GNG7: variants seen among roughly 807,000 people sequenced by gnomAD.
GNG7 encodes the protein guanine nucleotide-binding protein G(I)/G(S)/G(O) subunit gamma-7.
In GNG7, 1 loss-of-function variant was observed where a neutral mutation model predicts 4.0. That is an observed-to-expected ratio of 0.25 (90% CI 0.09 to 1.18). The LOEUF is 1.18. Among genes scored for constraint, GNG7 ranks in the 50% most tolerant of loss-of-function variants. GNG7 has a pLI of 0.50. For missense variants in GNG7, 86 were observed against 91.9 expected (o/e 0.94, Z 0.26); for synonymous variants, 34 against 36.9 (o/e 0.92, Z 0.29).
chr19:2,672,817 G>T (rs561329661), intron 1 of GNG7, among the ~76,000 whole-genome samples: 1 of 152,310 alleles, frequency 6.6e-6, no homozygotes, highest in South Asian at 2.1e-4. Flanking sequence ...TTGGCCAGGT[G>T]ACCAATGTCA....
Position 2,599,039 on chromosome 19 carries a change from C to A in GNG7, c.-77-43851G>T, listed in dbSNP as rs542601258. ...TGATGAAGAGGGGGAGAGGCGGGCACGAGGCGAAGCGGGTGCCCCGCGCTC... is the reference window on the plus strand; with the variant it reads ...TGATGAAGAGGGGGAGAGGCGGGCAAGAGGCGAAGCGGGTGCCCCGCGCTC... On this transcript the variant is annotated intron_variant, in intron 2 of 4. Transcript: ENST00000382159. Among the ~76,000 whole-genome samples the A allele has an allele frequency of 8.6e-4, 131 of 152,266 alleles. 1 individual carries two copies. The highest frequency in any genetic ancestry group is 3.0e-3 in the African/African-American group (126 of 41,560).
At chr19:2,603,213 C>T (rs1568259509) in intron 2 of GNG7, among the ~76,000 whole-genome samples, 1 of 152,020 alleles carries the variant, frequency 6.6e-6, no homozygotes, top group South Asian at 2.1e-4. Context: ...ATTACAGGTG[C>T]GCACCACCAT....
chr19:2,698,814 C>T (rs962993355), intron 1 of GNG7, among the ~76,000 whole-genome samples: 2 of 152,144 alleles, frequency 1.3e-5, no homozygotes, highest in Admixed American at 1.3e-4. Flanking sequence ...TCAGTAAACA[C>T]GAAGCTGAAT....
intron 2 of GNG7, among the ~76,000 whole-genome samples, chr19:2,586,515 C>G (rs1980677589): frequency 6.6e-6 from 1 of 152,094 alleles, no homozygotes; most frequent in Non-Finnish European, 1.5e-5. Flanking sequence ...TCAGCTGAGG[C>G]TGAAAGGGAA....
intron 2 of GNG7, among the ~76,000 whole-genome samples, chr19:2,575,505 A>ACAGACATGCAGACACACGCAGGCACACG: frequency 7.0e-6 from 1 of 143,380 alleles, no homozygotes; most frequent in Non-Finnish European, 1.5e-5. Context: ...GCAGGCACAC[A>ACAGACATGCAGACACACGCAGGCACACG]CAGACATGCA....
rs145219988 is a variant in GNG7, at chr19:2,615,015, C to G, written c.-78+31209G>C. On this transcript the variant is annotated intron_variant, in intron 2 of 4. Transcript: ENST00000382159. ...CCATTGGCAGAGCCAGAACTTGCAG[C>G]TGTGATTTGTGCCGCGGCTCCTGCC... Among the ~76,000 whole-genome samples, 30 of 152,332 alleles carry G rather than the reference C, an allele frequency of 2.0e-4. No homozygotes were observed. In the East Asian group the frequency reaches 5.2e-3, roughly 26 times the overall value.
intron 1 of GNG7, among the ~76,000 whole-genome samples, chr19:2,659,699 A>C (rs993790489): frequency 4.5e-5 from 6 of 134,724 alleles, no homozygotes; most frequent in Admixed American, 1.6e-4. Context: ...AAACAGAGTG[A>C]GAGGGAGGGA....
At chr19:2,519,989 G>C (rs542506948) in intron 4 of GNG7, among the ~76,000 whole-genome samples, 7 of 152,288 alleles carry the variant, frequency 4.6e-5, no homozygotes, top group African/African-American at 7.2e-5. Context: ...AGACCAGCCT[G>C]GGCAACATGG....
intron 2 of GNG7, among the ~76,000 whole-genome samples, chr19:2,585,987 G>A (rs1980661333): frequency 6.6e-6 from 1 of 152,150 alleles, no homozygotes; most frequent in African/African-American, 2.4e-5. Flanking sequence ...GGCGTGAACC[G>A]CCGTGCCCCG....
chr19:2,569,900 C>T (rs1168010731), intron 2 of GNG7, among the ~76,000 whole-genome samples: 1 of 152,130 alleles, frequency 6.6e-6, no homozygotes, highest in Non-Finnish European at 1.5e-5. Flanking sequence ...ACAACTGCGA[C>T]AAAAATAGCC....
chr19:2,692,358 G>A (rs943343281), intron 1 of GNG7, among the ~76,000 whole-genome samples: 6 of 152,240 alleles, frequency 3.9e-5, no homozygotes, highest in South Asian at 4.1e-4. Flanking sequence ...AGGGGAGGCC[G>A]GGCGCGGTGG....
At chr19:2,672,018 T>G (rs1169948036) in intron 1 of GNG7, among the ~76,000 whole-genome samples, 1 of 116,958 alleles carries the variant, frequency 8.6e-6, no homozygotes, top group African/African-American at 3.4e-5. Flanking sequence ...GTCACTGCCC[T>G]CCAGCCTGGG....
chr19:2,633,355 CGTGTGTA>C lies in GNG7; in HGVS notation c.-78+12862_-78+12868del, dbSNP rs1982212030. Among the ~76,000 whole-genome samples the C allele has an allele frequency of 6.6e-6, 1 of 152,156 alleles. No individual in the cohort carries two copies. The highest frequency in any genetic ancestry group is 2.4e-5 in the African/African-American group (1 of 41,444). On this transcript the variant is annotated intron_variant, in intron 2 of 4. Transcript: ENST00000382159. The surrounding 1 kb of genome is among the most constrained non-coding windows in gnomAD (Gnocchi z 5.9). ...TCTCATCATATGCGACTGTCACCGC[CGTGTGTA>C]TTTTGAGTCAAAGGCGGCCAAGGCT...
In GNG7 at chr19:2,643,011, C is replaced by T. The variant is rs1003279125; in HGVS notation, c.-78+3213G>A. On this transcript the variant is annotated intron_variant, in intron 2 of 4. Transcript: ENST00000382159. ...TGCGCCCTCTCCGGGCTCTACACAC[C>T]TTCCCGCCCTGCACCATGTGCACCA... The T allele has an allele frequency of 1.3e-5, 6 of 454,774 alleles. No individual in the cohort carries two copies. In the East Asian group the frequency reaches 4.2e-4, roughly 32 times the overall value. 28.2% of individuals were successfully genotyped at this position (454,774 alleles called of 1,614,324 possible).
intron 2 of GNG7, among the ~76,000 whole-genome samples, chr19:2,577,186 G>T (rs549216082): frequency 2.6e-5 from 4 of 152,178 alleles, no homozygotes; most frequent in Admixed American, 2.6e-4. Context: ...CATCCACTTA[G>T]TACGTCACGG....
intron 2 of GNG7, among the ~76,000 whole-genome samples, chr19:2,589,074 A>G (rs57396887): frequency 0.13 from 19,716 of 149,356 alleles, 2,684 homozygotes; most frequent in East Asian, 0.37. Flanking sequence ...GATTACAGGC[A>G]TGAGCCACCA....
rs993044815 is a variant in GNG7, at chr19:2,513,988, G to C, written c.*1034C>G. ...CCGAGGTGGGCGGATCCCGAGGTCA[G>C]GAGTTTGAGAGCGGCCTGGCCAATA... On this transcript the variant is annotated 3_prime_UTR_variant, in exon 5 of 5. Transcript: ENST00000382159. 1.3e-5 allele frequency: 2 copies of C among 152,414 alleles called. No homozygotes were observed. The highest frequency in any genetic ancestry group is 4.8e-5 in the African/African-American group (2 of 41,434). 9.4% of individuals were successfully genotyped at this position (152,414 alleles called of 1,614,324 possible).
chr19:2,669,638 A>T (rs916620156), intron 1 of GNG7, among the ~76,000 whole-genome samples: 4 of 152,256 alleles, frequency 2.6e-5, no homozygotes, highest in Admixed American at 2.6e-4. Flanking sequence ...CAACATCAAC[A>T]GCAGAGTTGA....
intron 2 of GNG7, among the ~76,000 whole-genome samples, chr19:2,558,277 C>T (rs112880166): frequency 5.6e-4 from 82 of 147,120 alleles, no homozygotes; most frequent in African/African-American, 1.9e-3. Flanking sequence ...GGGTCTGTTA[C>T]CCAGGCTGGA....
Sources: gnomAD v4.1 joint callset for allele counts (sites outside exome capture counted in the v4.1 genomes callset) on GRCh38, gnomAD v4.1.1 for gene constraint, Gnocchi (gnomAD v3.1) non-coding constraint, MANE v1.5 for transcripts, NCBI Gene and HGNC (gene_info 2026-07-23, HGNC 2026-07-21) for gene names.